Variants in FAM13A observed in about 807,000 individuals in gnomAD.
The protein encoded by FAM13A is family with sequence similarity 13 member A.
In FAM13A, 76 loss-of-function variants were observed where a neutral mutation model predicts 129.6. The ratio of observed to expected loss-of-function variants is 0.59; its 90% CI spans 0.49 to 0.71. FAM13A has a LOEUF of 0.71. Ranked by LOEUF, FAM13A falls within the 30% of genes least tolerant of loss-of-function variation. The pLI, the probability that FAM13A is intolerant of heterozygous loss-of-function variation, is 0.00. For missense variants in FAM13A, 1,108 were observed against 1,249.3 expected (o/e 0.89, Z 1.70); for synonymous variants, 443 against 449.9 (o/e 0.98, Z 0.20).
chr4:88,986,642 A>G (rs1209213157), intron 4 of FAM13A, among the ~76,000 whole-genome samples: 1 of 151,338 alleles, frequency 6.6e-6, no homozygotes, highest in Non-Finnish European at 1.5e-5. Context: ...TGTCTTAAAC[A>G]TTACTCAGTG....
chr4:89,038,317 A>C (rs1560910069), intron 1 of FAM13A, among the ~76,000 whole-genome samples: 1 of 152,248 alleles, frequency 6.6e-6, no homozygotes. Flanking sequence ...ATTCAGAACC[A>C]TGTGCTCCAA....
chr4:88,971,331 CTG>C (rs1439262589), intron 4 of FAM13A, among the ~76,000 whole-genome samples: 3 of 152,164 alleles, frequency 2.0e-5, no homozygotes, highest in Non-Finnish European at 2.9e-5. Flanking sequence ...AATGAACAAA[CTG>C]TCTTCTCTCA....
At chr4:88,748,328 T>C (rs2149463888) in intron 17 of FAM13A, among the ~76,000 whole-genome samples, 1 of 152,306 alleles carries the variant, frequency 6.6e-6, no homozygotes, top group African/African-American at 2.4e-5. Flanking sequence ...GAGAGAATGG[T>C]AACATTTTCT....
intron 17 of FAM13A, among the ~76,000 whole-genome samples, chr4:88,748,507 T>A (rs536479194): frequency 1.3e-4 from 20 of 152,346 alleles, no homozygotes; most frequent in African/African-American, 4.8e-4. Flanking sequence ...TTACACACCT[T>A]ATTCTGAAAT....
intron 13 of FAM13A, among the ~76,000 whole-genome samples, chr4:88,761,310 A>C (rs1258013411): frequency 6.6e-6 from 1 of 152,378 alleles, no homozygotes; most frequent in East Asian, 1.9e-4. Context: ...GTATGAAGAC[A>C]AATGAATAAA....
chr4:88,870,705 C>T (rs1741232404), intron 6 of FAM13A, among the ~76,000 whole-genome samples: 1 of 152,200 alleles, frequency 6.6e-6, no homozygotes, highest in South Asian at 2.1e-4. Flanking sequence ...CACAGCTGAA[C>T]AAAAGGCAGC....
At chr4:88,813,175 G>A (rs1730006450) in intron 7 of FAM13A, among the ~76,000 whole-genome samples, 1 of 152,084 alleles carries the variant, frequency 6.6e-6, no homozygotes, top group African/African-American at 2.4e-5. Flanking sequence ...GTATGGCCTT[G>A]CCACACACTA....
At chr4:89,003,710 C>G (rs1018580677) in intron 3 of FAM13A, among the ~76,000 whole-genome samples, 2 of 151,270 alleles carry the variant, frequency 1.3e-5, no homozygotes, top group African/African-American at 4.9e-5. Flanking sequence ...CACCATATAC[C>G]CTCTTACGTA....
At chr4:88,769,126 A>G (rs12651604) in intron 11 of FAM13A, among the ~76,000 whole-genome samples, 10,011 of 152,284 alleles carry the variant, frequency 0.066, 664 homozygotes, top group East Asian at 0.32. Flanking sequence ...CTACCTATCA[A>G]TAACATCCCA....
At chr4:88,979,231 C>T (rs1761320840) in intron 4 of FAM13A, among the ~76,000 whole-genome samples, 1 of 152,164 alleles carries the variant, frequency 6.6e-6, no homozygotes, top group Non-Finnish European at 1.5e-5. Context: ...AAAGGAGACA[C>T]ATTCACGTAT....
intron 4 of FAM13A, among the ~76,000 whole-genome samples, chr4:88,970,103 G>T (rs2148946617): frequency 6.6e-6 from 1 of 152,320 alleles, no homozygotes; most frequent in African/African-American, 2.4e-5. Context: ...AATGTATGAG[G>T]ATTATGAAAA....
chr4:88,959,993 C>G (rs1758362726), intron 4 of FAM13A, among the ~76,000 whole-genome samples: 1 of 152,146 alleles, frequency 6.6e-6, no homozygotes, highest in Non-Finnish European at 1.5e-5. Context: ...TGGTTCTCGG[C>G]AAGAAGGCAC....
At chr4:88,880,347 A>C (rs1743308443) in intron 6 of FAM13A, among the ~76,000 whole-genome samples, 1 of 152,190 alleles carries the variant, frequency 6.6e-6, no homozygotes, top group Admixed American at 6.5e-5. Context: ...TGACAGGAGA[A>C]GGTTTGACCT....
At chr4:88,798,431 G>C (rs1386691626) in intron 8 of FAM13A, among the ~76,000 whole-genome samples, 1 of 152,084 alleles carries the variant, frequency 6.6e-6, no homozygotes, top group Non-Finnish European at 1.5e-5. Context: ...GGGCAGAGAG[G>C]TGAAAAACAA....
At chr4:88,910,461 G>T (rs993294321) in intron 5 of FAM13A, among the ~76,000 whole-genome samples, 2 of 151,972 alleles carry the variant, frequency 1.3e-5, no homozygotes, top group African/African-American at 4.8e-5. Flanking sequence ...CTCTTTTAAG[G>T]TTTGGTCCCT....
At chr4:88,774,302 C>A (rs1022673575) in intron 11 of FAM13A, among the ~76,000 whole-genome samples, 4 of 152,162 alleles carry the variant, frequency 2.6e-5, no homozygotes, top group Non-Finnish European at 5.9e-5. Flanking sequence ...CTAGATATTT[C>A]TTTCTTATCT....
chr4:88,852,528 C>G (rs1234283930), intron 6 of FAM13A, among the ~76,000 whole-genome samples: 1 of 152,110 alleles, frequency 6.6e-6, no homozygotes, highest in African/African-American at 2.4e-5. Flanking sequence ...CATAGTCTAC[C>G]CTTGATTACA....
At chr4:88,739,786 C>CAAAA (rs34007551) in intron 19 of FAM13A, among the ~76,000 whole-genome samples, 1,637 of 67,792 alleles carry the variant, frequency 0.024, 118 homozygotes, top group African/African-American at 0.077. Context: ...GACTCTGTCT[C>CAAAA]AAAAAAAAAA....
intron 1 of FAM13A, among the ~76,000 whole-genome samples, chr4:89,030,846 T>C (rs1214181491): frequency 6.6e-6 from 1 of 152,184 alleles, no homozygotes; most frequent in East Asian, 1.9e-4. Context: ...ACAAGTTAAT[T>C]CTACAATCTT....
Sources: allele counts gnomAD v4.1 joint callset (sites outside exome capture counted in the v4.1 genomes callset), GRCh38; gene constraint gnomAD v4.1.1; transcripts MANE v1.5; gene names NCBI Gene and HGNC (gene_info 2026-07-23, HGNC 2026-07-21).